Variants in GALNT17 observed in about 807,000 individuals in gnomAD.
The protein encoded by GALNT17 is UDP-GalNAc:polypeptide N-acetylgalactosaminyltransferase-like 3.
A neutral mutation model predicts 63.7 loss-of-function variants in GALNT17; 29 were observed. That is an observed-to-expected ratio of 0.46 (90% CI 0.34 to 0.62). GALNT17 has a LOEUF of 0.62. Ranked by LOEUF, GALNT17 falls within the 20% of genes least tolerant of loss-of-function variation. The probability of loss-of-function intolerance (pLI) is 0.01; values close to 1 mark genes in which losing one functional copy is unlikely to be tolerated. For missense variants in GALNT17, 603 were observed against 799.6 expected (o/e 0.75, Z 2.97); for synonymous variants, 305 against 318.3 (o/e 0.96, Z 0.45).
intron 1 of GALNT17, among the ~76,000 whole-genome samples, chr7:71,246,873 G>T (rs1583795397): frequency 6.7e-6 from 1 of 148,884 alleles, no homozygotes; most frequent in Admixed American, 6.9e-5. Flanking sequence ...TTAGAAGCTT[G>T]CATCTGTCTG....
At chr7:71,292,040 T>A (rs983257260) in intron 1 of GALNT17, among the ~76,000 whole-genome samples, 5 of 152,236 alleles carry the variant, frequency 3.3e-5, no homozygotes, top group African/African-American at 9.6e-5. Flanking sequence ...CATGTAACTC[T>A]GTTATGGATT....
intron 1 of GALNT17, among the ~76,000 whole-genome samples, chr7:71,335,288 C>T (rs560297847): frequency 7.2e-5 from 11 of 152,188 alleles, no homozygotes; most frequent in Admixed American, 2.0e-4. Context: ...TGCACCACGA[C>T]GCCCAGCTAA....
At chr7:71,278,737 A>T (rs1790726453) in intron 1 of GALNT17, among the ~76,000 whole-genome samples, 1 of 151,878 alleles carries the variant, frequency 6.6e-6, no homozygotes, top group Non-Finnish European at 1.5e-5. Context: ...CATAGATCTC[A>T]TGAGAACTCA....
chr7:71,283,418 A>C (rs4236244), intron 1 of GALNT17, among the ~76,000 whole-genome samples: 146,937 of 152,140 alleles, frequency 0.97, 71,027 homozygotes, highest in Middle Eastern at 0.99. Context: ...GTATTACAGC[A>C]ACCTGCAAAT....
At chr7:71,193,066 CATTTATTTATTTATTTATTT>C (rs138751530) in intron 1 of GALNT17, among the ~76,000 whole-genome samples, 18 of 140,590 alleles carry the variant, frequency 1.3e-4, no homozygotes, top group East Asian at 2.2e-4. Context: ...CATCATCTAC[CATTTATTTATTTATTTATTT>C]ATTTATTTAT....
intron 9 of GALNT17, among the ~76,000 whole-genome samples, chr7:71,690,006 G>A (rs1382401299): frequency 6.7e-6 from 1 of 150,068 alleles, no homozygotes; most frequent in Non-Finnish European, 1.5e-5. Flanking sequence ...TTACAGCATG[G>A]TTTACTGAAT....
chr7:71,471,068 C>T (rs908436053), intron 5 of GALNT17, among the ~76,000 whole-genome samples: 2 of 151,794 alleles, frequency 1.3e-5, no homozygotes, highest in Non-Finnish European at 2.9e-5. Context: ...TTTTTTTCCT[C>T]TTTTTTCTGT....
intron 5 of GALNT17, among the ~76,000 whole-genome samples, chr7:71,528,650 A>G (rs943062550): frequency 6.6e-6 from 1 of 152,202 alleles, no homozygotes; most frequent in Non-Finnish European, 1.5e-5. Context: ...GGTCTACATC[A>G]CATTCATCAT....
chr7:71,593,499 C>T (rs113587632), intron 6 of GALNT17, among the ~76,000 whole-genome samples: 70 of 152,230 alleles, frequency 4.6e-4, no homozygotes, highest in African/African-American at 1.6e-3. Flanking sequence ...CTCTTGACCA[C>T]GTGATCTGCC....
intron 5 of GALNT17, among the ~76,000 whole-genome samples, chr7:71,476,923 G>A (rs982721008): frequency 6.6e-6 from 1 of 152,144 alleles, no homozygotes; most frequent in Non-Finnish European, 1.5e-5. Flanking sequence ...CACAGGGTAG[G>A]GGGAGGCGCC....
Position 71,571,469 on chromosome 7 carries a change from G to A in GALNT17, c.1080+67G>A, listed in dbSNP as rs185188166. ...TGTGAGCAGAGCGTCTTGGTCATCC[G>A]TGGGGTGTATTTAAAGCTCCTTACA... is the stretch of plus-strand genomic sequence containing the variant. On this transcript the variant is annotated intron_variant, in intron 6 of 10. Coordinates refer to ENST00000333538, the MANE Select transcript of GALNT17 (RefSeq NM_022479.3). 1,079 of 1,336,828 alleles carry A rather than the reference G, an allele frequency of 8.1e-4. 1 individual carries two copies. Among genetic ancestry groups the A allele is most frequent in the Non-Finnish European group, 1.1e-3 (984 of 930,186 alleles). The allele number at this position is 1,336,828 out of a possible 1,614,324, so 82.8% of individuals were successfully genotyped here.
chr7:71,388,187 G>A (rs746605291), intron 2 of GALNT17, 48 bp from the exon 3 acceptor site: 1 of 1,591,796 alleles, frequency 6.3e-7, no homozygotes, highest in Non-Finnish European at 8.6e-7. Flanking sequence ...CAGTGCCTGA[G>A]CTTTTATCCT....
chr7:71,565,045 T>A (rs547520190), intron 5 of GALNT17, among the ~76,000 whole-genome samples: 2 of 152,206 alleles, frequency 1.3e-5, no homozygotes, highest in South Asian at 2.1e-4. Flanking sequence ...AGCAGGTGAA[T>A]AACTTGAGAT....
intron 5 of GALNT17, among the ~76,000 whole-genome samples, chr7:71,432,300 CT>C (rs1214404593): frequency 2.0e-5 from 3 of 152,160 alleles, no homozygotes; most frequent in African/African-American, 7.2e-5. Context: ...CACATAACAA[CT>C]CATTTCAAGT....
intron 1 of GALNT17, among the ~76,000 whole-genome samples, chr7:71,274,290 A>G (rs1790646186): frequency 6.6e-6 from 1 of 152,168 alleles, no homozygotes; most frequent in African/African-American, 2.4e-5. Context: ...TATTAAATGG[A>G]TGTTTTTAGA....
rs147053027 is a variant in GALNT17, at chr7:71,646,327, A to G, written c.1081-19084A>G. ...CCAAGAAGGGTTCTGAGAACATTCT[A>G]TGTTGAAGTAAGTAAGCAAAGGATA... On this transcript the variant is annotated intron_variant, in intron 6 of 10. Coordinates refer to ENST00000333538, the MANE Select transcript of GALNT17 (RefSeq NM_022479.3). Among the ~76,000 whole-genome samples, 279 of 152,270 alleles carry G rather than the reference A, an allele frequency of 1.8e-3. 1 individual carries two copies. Among genetic ancestry groups the G allele is most frequent in the African/African-American group, 6.4e-3 (264 of 41,556 alleles).
intron 6 of GALNT17, among the ~76,000 whole-genome samples, chr7:71,592,756 G>A (rs1459091308): frequency 6.6e-6 from 1 of 152,064 alleles, no homozygotes; most frequent in Admixed American, 6.6e-5. Flanking sequence ...GGAAACATTT[G>A]TCCTTGAACA....
chr7:71,308,097 G>A (rs1791340510), intron 1 of GALNT17, among the ~76,000 whole-genome samples: 1 of 152,074 alleles, frequency 6.6e-6, no homozygotes, highest in South Asian at 2.1e-4. Flanking sequence ...GGGGGCAGTT[G>A]TCTGGAAAGC....
intron 4 of GALNT17, among the ~76,000 whole-genome samples, chr7:71,420,141 C>T (rs952809126): frequency 6.6e-6 from 1 of 152,138 alleles, no homozygotes; most frequent in African/African-American, 2.4e-5. Context: ...GCGCCTGCCT[C>T]GGAGACACAC....
Sources: allele counts gnomAD v4.1 joint callset (sites outside exome capture counted in the v4.1 genomes callset), GRCh38; gene constraint gnomAD v4.1.1; transcripts MANE v1.5; gene names NCBI Gene and HGNC (gene_info 2026-07-23, HGNC 2026-07-21).